The following EML1 variants were observed in gnomAD, a reference collection of about 807,000 sequenced individuals.
The protein encoded by EML1 is echinoderm microtubule-associated protein-like 1.
Under a neutral mutation model 110.4 loss-of-function variants are expected in EML1, and 27 were observed. The ratio of observed to expected loss-of-function variants is 0.24; its 90% CI spans 0.18 to 0.34. The LOEUF (loss-of-function observed/expected upper bound fraction) is 0.34, where lower values mean the gene tolerates loss of function less well. Among genes scored for constraint, EML1 ranks in the 10% least tolerant of loss-of-function variants. EML1 has a pLI of 1.00. For synonymous variants in EML1, 344 were observed against 385.8 expected, an observed-to-expected ratio of 0.89 and a Z score of 1.27; for missense variants, 741 against 1,030.9, an observed-to-expected ratio of 0.72 and a Z score of 3.85.
At chr14:99,935,464 C>G (rs1205027307) in intron 17 of EML1, among the ~76,000 whole-genome samples, 2 of 146,582 alleles carry the variant, frequency 1.4e-5, no homozygotes, top group African/African-American at 5.1e-5. Context: ...AACCCTGTCT[C>G]AAAAGAAAAA....
chr14:99,939,319 C>A lies in EML1; in HGVS notation c.2314C>A (p.Gln772Lys), dbSNP rs1391467270. 1 of 1,614,226 alleles carries A rather than the reference C, an allele frequency of 6.2e-7. No individual in the cohort carries two copies. Among genetic ancestry groups the A allele is most frequent in the Admixed American group, 1.7e-5 (1 of 60,028 alleles). ...GCACCTCTTCTCATACCCCTGCTCG[C>A]AGTTCAGGGTAAAGGACTTGTTTCT... ...KVHLFSYPCS[Q>K]FRAPSHIYGG... The change falls in exon 21 of 22, where the codon CAG becomes AAG. Residue 772 changes from glutamine to lysine, a missense_variant. Gln to Lys is a moderately conservative substitution (Grantham distance 53). Coordinates refer to ENST00000262233, the MANE Select transcript of EML1 (RefSeq NM_004434.3). This position sits in a 1 kb window ranked among gnomAD's most constrained non-coding sequence, Gnocchi z 4.2.
intron 2 of EML1, among the ~76,000 whole-genome samples, chr14:99,860,486 G>C (rs1349209443): frequency 6.6e-6 from 1 of 152,104 alleles, no homozygotes; most frequent in Non-Finnish European, 1.5e-5. Flanking sequence ...GATCCAGGCT[G>C]GCACCTGTTC....
At chr14:99,924,900 A>G (rs2060205975) in intron 17 of EML1, among the ~76,000 whole-genome samples, 1 of 152,164 alleles carries the variant, frequency 6.6e-6, no homozygotes, top group African/African-American at 2.4e-5. Context: ...TAATTTTCAG[A>G]TGTTGAACCA....
At chr14:99,860,125 C>T (rs1276506034) in intron 2 of EML1, among the ~76,000 whole-genome samples, 1 of 152,104 alleles carries the variant, frequency 6.6e-6, no homozygotes, top group Non-Finnish European at 1.5e-5. Flanking sequence ...CACCTCTTAC[C>T]CCCAGAGACA....
intron 11 of EML1, among the ~76,000 whole-genome samples, chr14:99,909,802 T>G (rs986883315): frequency 1.3e-5 from 2 of 152,120 alleles, no homozygotes; most frequent in African/African-American, 4.8e-5. Flanking sequence ...TCCCTGTGCC[T>G]TTTGTCTGGA....
intron 1 of EML1, among the ~76,000 whole-genome samples, chr14:99,757,973 C>A (rs180994108): frequency 4.6e-5 from 7 of 152,296 alleles, no homozygotes; most frequent in Non-Finnish European, 5.9e-5. Context: ...ATAATCTATG[C>A]ACTAAGATTC....
intron 1 of EML1, among the ~76,000 whole-genome samples, chr14:99,810,036 A>G (rs1276338074): frequency 1.3e-5 from 2 of 152,184 alleles, no homozygotes; most frequent in East Asian, 1.9e-4. Flanking sequence ...TCCTGCTGCA[A>G]TGCGGCCCAG....
At chr14:99,918,775 A>G (rs2060076405) in intron 16 of EML1, among the ~76,000 whole-genome samples, 1 of 152,120 alleles carries the variant, frequency 6.6e-6, no homozygotes, top group African/African-American at 2.4e-5. Flanking sequence ...TGATTGCACC[A>G]CTGTACCCTC....
chr14:99,878,442 C>A, intron 3 of EML1, 43 bp from the exon 4 acceptor site: 1 of 1,557,914 alleles, frequency 6.4e-7, no homozygotes, highest in Non-Finnish European at 8.7e-7. Flanking sequence ...AAAATAAAGT[C>A]ACGATATTAA....
intron 17 of EML1, among the ~76,000 whole-genome samples, chr14:99,922,259 G>A (rs527314499): frequency 6.6e-5 from 10 of 152,066 alleles, no homozygotes; most frequent in African/African-American, 1.9e-4. Context: ...GGGATTACAG[G>A]TGCATGCCAC....
At chr14:99,866,437 G>T (rs564307856) in intron 3 of EML1, among the ~76,000 whole-genome samples, 13 of 152,096 alleles carry the variant, frequency 8.5e-5, no homozygotes, top group South Asian at 4.1e-4. Flanking sequence ...GAGCGTGGTG[G>T]CACATGCCTG....
chr14:99,848,823 C>T lies in EML1; in HGVS notation c.68-2030C>T, dbSNP rs918130494. Among the ~76,000 whole-genome samples, 38 of 151,802 alleles carry T rather than the reference C, an allele frequency of 2.5e-4. No homozygotes were observed. In the East Asian group the frequency reaches 2.9e-3, roughly 12 times the overall value. On this transcript the variant is annotated intron_variant, in intron 1 of 21. Coordinates refer to ENST00000262233, the MANE Select transcript of EML1 (RefSeq NM_004434.3). ...ATAAAAAATTTAAAAATTAGCCAAG[C>T]GTGGTGGGGTGCGCCTGTAGTCCCA...
rs111701777 is a variant in EML1 at position 99,801,025 on chromosome 14, C to T, written c.67+7482C>T. Among the ~76,000 whole-genome samples the T allele has an allele frequency of 7.2e-5, 11 of 152,328 alleles. No individual in the cohort carries two copies. In the South Asian group the frequency reaches 1.7e-3, roughly 23 times the overall value. On this transcript the variant is annotated intron_variant, in intron 1 of 21. Coordinates refer to ENST00000262233, the MANE Select transcript of EML1 (RefSeq NM_004434.3). The stretch of plus-strand genomic sequence containing the variant: ...GAGGTGACTGGCCCCCTGAGGCCAG[C>T]GGCCAGATCCATGCATTTATCATGG...
At chr14:99,896,615 G>A (rs1191093) in intron 6 of EML1, among the ~76,000 whole-genome samples, 46,480 of 151,962 alleles carry the variant, frequency 0.31, 8,082 homozygotes, top group South Asian at 0.49. Context: ...GCATCTTGCC[G>A]GGTTACTTTT....
At chr14:99,892,039 G>T (rs886773124) in intron 5 of EML1, 9 of 592,790 alleles carry the variant, frequency 1.5e-5, no homozygotes, top group Non-Finnish European at 4.2e-6. Context: ...TTTAAGACTG[G>T]GGGGCAGGTC....
chr14:99,822,118 G>A (rs118033273), intron 1 of EML1, among the ~76,000 whole-genome samples: 4,723 of 152,314 alleles, frequency 0.031, 94 homozygotes, highest in Non-Finnish European at 0.041. Context: ...ATGATTGCAA[G>A]GGGAAGCTCT....
At chr14:99,888,336 A>T (rs1034480755) in intron 4 of EML1, among the ~76,000 whole-genome samples, 4 of 152,234 alleles carry the variant, frequency 2.6e-5, no homozygotes, top group Non-Finnish European at 5.9e-5. Flanking sequence ...AACATAGTTC[A>T]TAATTGCTTT....
intron 4 of EML1, among the ~76,000 whole-genome samples, chr14:99,879,602 A>G (rs2059352013): frequency 1.3e-5 from 2 of 152,252 alleles, no homozygotes. Flanking sequence ...TGTCTGTTGT[A>G]GAAAACATAG....
chr14:99,804,610 G>A (rs573542072), intron 1 of EML1, among the ~76,000 whole-genome samples: 1 of 152,224 alleles, frequency 6.6e-6, no homozygotes, highest in South Asian at 2.1e-4. Flanking sequence ...AGTGAATGAT[G>A]GGAAAAAAGA....
Sources: gnomAD v4.1 joint callset for allele counts (sites outside exome capture counted in the v4.1 genomes callset) on GRCh38, gnomAD v4.1.1 for gene constraint, Gnocchi (gnomAD v3.1) non-coding constraint, MANE v1.5 for transcripts, NCBI Gene and HGNC (gene_info 2026-07-23, HGNC 2026-07-21) for gene names.